Variants in STK40 observed in about 807,000 individuals in gnomAD.
STK40 encodes serine/threonine-protein kinase 40.
A neutral mutation model predicts 47.9 loss-of-function variants in STK40; 13 were observed. The ratio of observed to expected loss-of-function variants is 0.27; its 90% CI spans 0.18 to 0.43. STK40 has a LOEUF of 0.43. Ranked by LOEUF, STK40 falls within the 20% of genes least tolerant of loss-of-function variation. The pLI is 1.00. For synonymous variants in STK40, 225 were observed against 243.2 expected (o/e 0.93, Z 0.69); for missense variants, 460 against 595.1 (o/e 0.77, Z 2.36).
intron 1 of STK40, among the ~76,000 whole-genome samples, chr1:36,377,469 G>A (rs1347945061): frequency 6.8e-6 from 1 of 147,024 alleles, no homozygotes; most frequent in East Asian, 2.0e-4. Flanking sequence ...GGAGGCGGAG[G>A]TTGCAGTGAG....
chr1:36,383,499 G>C (rs1647058351), intron 1 of STK40, among the ~76,000 whole-genome samples: 1 of 152,206 alleles, frequency 6.6e-6, no homozygotes, highest in Non-Finnish European at 1.5e-5. Flanking sequence ...CCTCAGCAAA[G>C]ATCCATCGCC....
At chr1:36,368,284 T>TA (rs199607076) in intron 1 of STK40, among the ~76,000 whole-genome samples, 2,255 of 151,812 alleles carry the variant, frequency 0.015, 60 homozygotes, top group African/African-American at 0.051. Flanking sequence ...TATATATATA[T>TA]TTTTTTTCGA....
chr1:36,374,245 A>G (rs989023520), intron 1 of STK40, among the ~76,000 whole-genome samples: 2 of 152,190 alleles, frequency 1.3e-5, no homozygotes, highest in African/African-American at 4.8e-5. Context: ...GGAAGTCCCC[A>G]CTGGGCTTTT....
intron 10 of STK40, chr1:36,342,892 C>T (rs1646667955): frequency 9.2e-6 from 4 of 433,534 alleles, no homozygotes; most frequent in Admixed American, 8.1e-5. Context: ...AGGGGGCACC[C>T]TAAGATCACC....
chr1:36,358,630 C>T (rs910235650), intron 3 of STK40, 107 bp downstream of exon 3: 50 of 1,287,626 alleles, frequency 3.9e-5, no homozygotes, highest in South Asian at 4.0e-5. Context: ...GAAGAAATGG[C>T]GCTACTCTTG....
intron 5 of STK40, 22 bp from the exon 6 acceptor site, chr1:36,354,438 G>C: frequency 6.2e-7 from 1 of 1,613,752 alleles, no homozygotes; most frequent in Non-Finnish European, 8.5e-7. Context: ...CAGGCGTATG[G>C]TTTACATTGT....
chr1:36,364,463 T>C (rs1646884166), intron 1 of STK40, among the ~76,000 whole-genome samples: 1 of 152,212 alleles, frequency 6.6e-6, no homozygotes, highest in Admixed American at 6.5e-5. Flanking sequence ...AATCCGTAAT[T>C]CTTTCATTAT....
At chr1:36,369,830 G>A (rs1646930328) in intron 1 of STK40, among the ~76,000 whole-genome samples, 2 of 152,248 alleles carry the variant, frequency 1.3e-5, no homozygotes, top group South Asian at 4.1e-4. Context: ...AAAGCTGGAA[G>A]AGAACACAGT....
intron 3 of STK40, 73 bp from the exon 4 acceptor site, chr1:36,358,455 G>T: frequency 6.5e-7 from 1 of 1,528,618 alleles, no homozygotes; most frequent in Non-Finnish European, 8.8e-7. Context: ...CAGAACGGGG[G>T]AAGCAGGGGG....
chr1:36,373,243 T>G (rs975645764), intron 1 of STK40, among the ~76,000 whole-genome samples: 1 of 152,076 alleles, frequency 6.6e-6, no homozygotes, highest in Admixed American at 6.6e-5. Context: ...GGGTGAAGGG[T>G]GGGTGCTCCC....
intron 1 of STK40, among the ~76,000 whole-genome samples, chr1:36,382,843 T>C (rs1293914373): frequency 4.6e-5 from 7 of 152,216 alleles, no homozygotes; most frequent in Non-Finnish European, 1.0e-4. Context: ...AAGGTACTCT[T>C]ATTGTCCCCA....
chr1:36,355,134 C>A (rs1030705136), intron 5 of STK40, 72 bp downstream of exon 5: 13 of 1,497,014 alleles, frequency 8.7e-6, no homozygotes, highest in Middle Eastern at 2.3e-4. Context: ...GACAGAGCTG[C>A]CTTCTGCTCA....
chr1:36,382,641 T>G (rs1438513377), intron 1 of STK40, among the ~76,000 whole-genome samples: 1 of 152,240 alleles, frequency 6.6e-6, no homozygotes, highest in Non-Finnish European at 1.5e-5. Context: ...AATAAAACTC[T>G]GTGATCTTGT....
chr1:36,361,974 A>G (rs1646856482), intron 1 of STK40, among the ~76,000 whole-genome samples: 1 of 152,184 alleles, frequency 6.6e-6, no homozygotes, highest in African/African-American at 2.4e-5. Flanking sequence ...AAAGTTGTCA[A>G]TGGCAGGGTT....
At position 36,345,968 on chromosome 1, in the gene STK40, C is replaced by CATATATATAT. The variant is rs1553135169; in HGVS notation, c.740-1714_740-1705dup. Among the ~76,000 whole-genome samples the CATATATATAT allele has an allele frequency of 2.6e-3, 78 of 29,916 alleles. 1 individual carries two copies. The highest frequency in any genetic ancestry group is 3.0e-3 in the Non-Finnish European group (49 of 16,228). The allele number at this position is 29,916 out of a possible 152,430, so 19.6% of individuals were successfully genotyped here. A position where few individuals can be genotyped will look rare whatever the true frequency, so the allele number is the denominator to read the frequency against. On this transcript the variant is annotated intron_variant, in intron 7 of 10. Coordinates refer to ENST00000373132, the MANE Select transcript of STK40 (RefSeq NM_001282547.2). ...GCCAAACACTAGGTTAAGGGCATTA[C>CATATATATAT]ATATATATATATATATATATATATT... is the stretch of plus-strand genomic sequence containing the variant.
chr1:36,369,275 TCTC>T (rs1646925852), intron 1 of STK40, among the ~76,000 whole-genome samples: 1 of 152,040 alleles, frequency 6.6e-6, no homozygotes, highest in Non-Finnish European at 1.5e-5. Context: ...GGGGCCCTGC[TCTC>T]CTCAGGCTGA....
chr1:36,372,007 A>G (rs1353157172), intron 1 of STK40, among the ~76,000 whole-genome samples: 1 of 152,178 alleles, frequency 6.6e-6, no homozygotes, highest in Non-Finnish European at 1.5e-5. Context: ...AAAAAAAGAA[A>G]GAAAGAAAAA....
chr1:36,369,549 C>T (rs2124745973), intron 1 of STK40, among the ~76,000 whole-genome samples: 1 of 152,292 alleles, frequency 6.6e-6, no homozygotes, highest in Admixed American at 6.5e-5. Flanking sequence ...AACACCCCTG[C>T]CCCGCCCAAC....
Position 36,341,971 on chromosome 1 carries a change from C to G in STK40, c.1092G>C (p.Ala364=). ...ACTGGGAGCACTCCTCCGTCACCTT[C>G]GCCTTTGAGGCGGGGAGGGTGGGAA... ...QMSNADSSQE[A]KVTEECSQYE... Residue 364 remains alanine, a splice_region_variant and synonymous_variant, in exon 11 of 11, where the codon GCG becomes GCC. Transcript: ENST00000373132. 1 of 1,612,216 alleles carries G rather than the reference C, an allele frequency of 6.2e-7. No homozygotes were observed. Among genetic ancestry groups the G allele is most frequent in the South Asian group, 1.1e-5 (1 of 90,888 alleles).
Sources: gnomAD v4.1 joint callset for allele counts (sites outside exome capture counted in the v4.1 genomes callset) on GRCh38, gnomAD v4.1.1 for gene constraint, MANE v1.5 for transcripts, NCBI Gene and HGNC (gene_info 2026-07-23, HGNC 2026-07-21) for gene names.